PRDM5: variants seen among roughly 807,000 people sequenced by gnomAD.
The protein encoded by PRDM5 is PR/SET domain 5, also known as PR domain zinc finger protein 5.
A neutral mutation model predicts 81.2 loss-of-function variants in PRDM5; 56 were observed. The ratio of observed to expected loss-of-function variants is 0.69; its 90% confidence interval spans 0.56 to 0.86. The LOEUF is 0.86. PRDM5 is among the 40% of genes least tolerant of loss of function. The pLI is 0.00. For missense variants in PRDM5, 697 were observed against 770.1 expected, an observed-to-expected ratio of 0.91 and a Z score of 1.12; for synonymous variants, 267 against 256.4, an observed-to-expected ratio of 1.04 and a Z score of -0.39.
At chr4:120,860,178 G>A (rs1003882142) in intron 2 of PRDM5, among the ~76,000 whole-genome samples, 12 of 152,098 alleles carry the variant, frequency 7.9e-5, no homozygotes, top group Non-Finnish European at 1.5e-4. Context: ...CCTATACCTG[G>A]ACAACTGACC....
chr4:120,723,616 T>C (rs1738947361), intron 14 of PRDM5, among the ~76,000 whole-genome samples: 1 of 151,438 alleles, frequency 6.6e-6, no homozygotes, highest in Admixed American at 6.6e-5. Context: ...GAAGTACAAA[T>C]GAAAGAGAAA....
intron 13 of PRDM5, among the ~76,000 whole-genome samples, chr4:120,757,662 A>T (rs1459278681): frequency 1.3e-5 from 2 of 152,168 alleles, no homozygotes; most frequent in Non-Finnish European, 2.9e-5. Context: ...TAGAACAAAA[A>T]GATGGAGGAA....
At chr4:120,696,634 T>C (rs1734550681) in intron 15 of PRDM5, among the ~76,000 whole-genome samples, 1 of 152,162 alleles carries the variant, frequency 6.6e-6, no homozygotes, top group Non-Finnish European at 1.5e-5. Flanking sequence ...GCAGGATTAT[T>C]AAGATTAAAT....
chr4:120,728,172 A>G (rs1739720067), intron 14 of PRDM5, among the ~76,000 whole-genome samples: 1 of 151,712 alleles, frequency 6.6e-6, no homozygotes, highest in South Asian at 2.1e-4. Context: ...ATCTCAGATC[A>G]GTTGTCTACC....
chr4:120,689,000 G>A (rs1483186706), downstream of PRDM5, among the ~76,000 whole-genome samples: 1 of 152,096 alleles, frequency 6.6e-6, no homozygotes, highest in Non-Finnish European at 1.5e-5. Context: ...TAGTGACTCT[G>A]TGCCATCCAT....
rs952500862 is a variant in PRDM5, at chr4:120,695,352, T to C, written c.1729-77A>G. 2.7e-6 allele frequency: 4 copies of C among 1,496,966 alleles called. No homozygotes were observed. The Admixed American group carries it at 6.9e-5, about 26-fold the overall frequency. 92.7% of individuals were successfully genotyped at this position (1,496,966 alleles called of 1,614,324 possible). ...TAAACAAAATTTAACACTCACACTA[T>C]TGGCAAAGAAAATTAATAAGTTACT... On this transcript the variant is annotated intron_variant, in intron 15 of 15. Transcript: ENST00000264808.
At chr4:120,686,394 C>T (rs1172453589) in intron 1 of PRDM5, among the ~76,000 whole-genome samples, 2 of 152,042 alleles carry the variant, frequency 1.3e-5, no homozygotes, top group Non-Finnish European at 2.9e-5. Context: ...TGATGTGTTA[C>T]ATTGTACCTT....
chr4:120,900,317 T>A (rs2148657992), intron 2 of PRDM5, among the ~76,000 whole-genome samples: 1 of 152,234 alleles, frequency 6.6e-6, no homozygotes, highest in East Asian at 1.9e-4. Flanking sequence ...TCCTGGAGGC[T>A]ATCTAGGGGA....
At chr4:120,717,296 G>A (rs1737936107) in intron 14 of PRDM5, among the ~76,000 whole-genome samples, 1 of 152,136 alleles carries the variant, frequency 6.6e-6, no homozygotes, top group African/African-American at 2.4e-5. Flanking sequence ...GTTAAACTGT[G>A]TAATCTATTA....
intron 5 of PRDM5, among the ~76,000 whole-genome samples, chr4:120,817,913 T>A (rs1754755369): frequency 6.6e-6 from 1 of 152,196 alleles, no homozygotes; most frequent in African/African-American, 2.4e-5. Flanking sequence ...CTTCCCAAAA[T>A]GTCCAGGAAT....
chr4:120,757,504 G>A (rs554785025), intron 13 of PRDM5, among the ~76,000 whole-genome samples: 1 of 150,864 alleles, frequency 6.6e-6, no homozygotes, highest in South Asian at 2.1e-4. Flanking sequence ...TAGGTTAAGG[G>A]ATGTGGCCAG....
At chr4:120,786,230 A>C (rs1335855671) in intron 10 of PRDM5, among the ~76,000 whole-genome samples, 1 of 152,162 alleles carries the variant, frequency 6.6e-6, no homozygotes, top group Non-Finnish European at 1.5e-5. Flanking sequence ...ATCTATTAGC[A>C]TAATGTTGGT....
At chr4:120,806,748 A>G (rs1364891537) in intron 8 of PRDM5, among the ~76,000 whole-genome samples, 1 of 152,202 alleles carries the variant, frequency 6.6e-6, no homozygotes, top group Non-Finnish European at 1.5e-5. Context: ...TAAAAACCCT[A>G]GAAGAAAACC....
Position 120,816,550 on chromosome 4 carries a change from G to T in PRDM5, c.768C>A (p.Cys256Ter). 2 of 1,614,038 alleles carry T rather than the reference G, an allele frequency of 1.2e-6. No homozygotes were observed. Among genetic ancestry groups the T allele is most frequent in the Non-Finnish European group, 1.7e-6 (2 of 1,180,006 alleles). ...TGCACACAAACCTGGCATCCCCCCG[G>T]CAAGTCTCCTGGTGCTGCTCAAAAC... ...ASSFEQHQET[C>*]RGDARFVCKA... Residue 256 changes from cysteine to a stop codon, truncating the protein, a stop_gained, in exon 7 of 16, where the codon TGC becomes TGA. Coordinates refer to ENST00000264808, the MANE Select transcript of PRDM5 (RefSeq NM_018699.4). LOFTEE classifies it high-confidence loss of function.
intron 2 of PRDM5, among the ~76,000 whole-genome samples, chr4:120,905,304 C>T (rs1299281614): frequency 6.6e-6 from 1 of 152,122 alleles, no homozygotes; most frequent in African/African-American, 2.4e-5. Flanking sequence ...ATTTTGCTTA[C>T]AGGTAATACA....
At chr4:120,864,822 G>C (rs909353614) in intron 2 of PRDM5, among the ~76,000 whole-genome samples, 5 of 152,220 alleles carry the variant, frequency 3.3e-5, no homozygotes, top group African/African-American at 1.2e-4. Context: ...AATTAAATGG[G>C]AACAGAAGCA....
At chr4:120,836,673 AATTG>A (rs1263154781) in intron 3 of PRDM5, among the ~76,000 whole-genome samples, 1 of 152,190 alleles carries the variant, frequency 6.6e-6, no homozygotes, top group African/African-American at 2.4e-5. Context: ...TCTAGATAAA[AATTG>A]ATTATTATGC....
intron 1 of PRDM5, among the ~76,000 whole-genome samples, chr4:120,918,194 A>T (rs936356194): frequency 6.6e-5 from 10 of 152,240 alleles, no homozygotes; most frequent in Non-Finnish European, 1.5e-4. Context: ...ATAGTTTAAA[A>T]AATGTTTAAT....
intron 14 of PRDM5, among the ~76,000 whole-genome samples, chr4:120,752,964 A>G (rs929550203): frequency 6.6e-6 from 1 of 152,188 alleles, no homozygotes; most frequent in African/African-American, 2.4e-5. Flanking sequence ...AAATGAAGTA[A>G]AAAACAAATT....
Sources: gnomAD v4.1 joint callset for allele counts (sites outside exome capture counted in the v4.1 genomes callset) on GRCh38, gnomAD v4.1.1 for gene constraint, MANE v1.5 for transcripts, NCBI Gene and HGNC (gene_info 2026-07-23, HGNC 2026-07-21) for gene names.